TSHZ2: variants seen among roughly 807,000 people sequenced by gnomAD.
TSHZ2 encodes the protein teashirt zinc finger homeobox 2.
Under a neutral mutation model 74.4 loss-of-function variants are expected in TSHZ2, and 21 were observed. The observed-to-expected ratio is 0.28, with a 90% CI of 0.20 to 0.41. TSHZ2 has a LOEUF of 0.41. TSHZ2 is among the 10% of genes least tolerant of loss of function. The pLI, the probability that TSHZ2 is intolerant of heterozygous loss-of-function variation, is 1.00. For missense variants in TSHZ2, 1,244 were observed against 1,293.5 expected (o/e 0.96, Z 0.59); for synonymous variants, 540 against 515.3 (o/e 1.05, Z -0.65).
intron 1 of TSHZ2, among the ~76,000 whole-genome samples, chr20:53,010,043 G>A (rs770151958): frequency 2.0e-5 from 3 of 151,998 alleles, no homozygotes; most frequent in South Asian, 2.1e-4. Context: ...AAAGGCTCTC[G>A]TCCATGGGTC....
intron 1 of TSHZ2, among the ~76,000 whole-genome samples, chr20:53,004,770 T>C (rs755537065): frequency 1.1e-4 from 17 of 152,114 alleles, no homozygotes; most frequent in South Asian, 2.1e-4. Flanking sequence ...ATCTGAGTGG[T>C]TCAATATAAT....
At chr20:53,210,091 CAG>C (rs1195756765) in intron 1 of TSHZ2, among the ~76,000 whole-genome samples, 2 of 152,224 alleles carry the variant, frequency 1.3e-5, no homozygotes, top group Non-Finnish European at 2.9e-5. Flanking sequence ...GGACGTGAGA[CAG>C]GGGTGTGGCT....
chr20:53,341,079 C>G (rs918585832), intron 2 of TSHZ2, among the ~76,000 whole-genome samples: 1 of 152,202 alleles, frequency 6.6e-6, no homozygotes, highest in Non-Finnish European at 1.5e-5. Context: ...CTTTGTGTTC[C>G]TAGCCCCCTT....
intron 2 of TSHZ2, among the ~76,000 whole-genome samples, chr20:53,388,035 C>T (rs972306378): frequency 2.1e-5 from 3 of 144,304 alleles, no homozygotes; most frequent in East Asian, 4.1e-4. Flanking sequence ...GGCAATAGAG[C>T]GAGACTCCAT....
At chr20:53,437,528 G>T (rs1984133591) in intron 2 of TSHZ2, among the ~76,000 whole-genome samples, 1 of 152,136 alleles carries the variant, frequency 6.6e-6, no homozygotes. Flanking sequence ...ACCAGTTTAA[G>T]CACAGAGGGA....
At chr20:53,349,029 C>T (rs962429021) in intron 2 of TSHZ2, among the ~76,000 whole-genome samples, 3 of 152,202 alleles carry the variant, frequency 2.0e-5, no homozygotes, top group Non-Finnish European at 4.4e-5. Context: ...TTCTAAGGGG[C>T]TGCTGGCTTT....
At chr20:53,309,921 T>C (rs943360146) in intron 2 of TSHZ2, among the ~76,000 whole-genome samples, 3 of 152,226 alleles carry the variant, frequency 2.0e-5, no homozygotes, top group Non-Finnish European at 4.4e-5. Flanking sequence ...ATAATGCTTT[T>C]AACTCCATCT....
intron 1 of TSHZ2, among the ~76,000 whole-genome samples, chr20:53,180,191 G>T (rs1988437065): frequency 6.6e-6 from 1 of 152,196 alleles, no homozygotes; most frequent in Admixed American, 6.5e-5. Flanking sequence ...CTTCTCCTGG[G>T]CATGTTGATA....
At chr20:53,081,998 C>A (rs991015997) in intron 1 of TSHZ2, among the ~76,000 whole-genome samples, 2 of 151,514 alleles carry the variant, frequency 1.3e-5, no homozygotes, top group Admixed American at 1.3e-4. Context: ...ATGAAAATAG[C>A]CCAGAGGAGA....
At chr20:53,232,372 G>T (rs1218567374) in intron 1 of TSHZ2, among the ~76,000 whole-genome samples, 1 of 152,108 alleles carries the variant, frequency 6.6e-6, no homozygotes, top group Non-Finnish European at 1.5e-5. Context: ...AGGCTCTGAG[G>T]AAACAGAAGG....
At chr20:53,072,989 TCATC>T (rs1176902566) in intron 1 of TSHZ2, among the ~76,000 whole-genome samples, 1 of 101,634 alleles carries the variant, frequency 9.8e-6, no homozygotes, top group Non-Finnish European at 2.1e-5. Flanking sequence ...ATCCCTCCCT[TCATC>T]CATCCCTCCC....
At chr20:53,338,223 A>G (rs1412023102) in intron 2 of TSHZ2, among the ~76,000 whole-genome samples, 1 of 152,224 alleles carries the variant, frequency 6.6e-6, no homozygotes, top group Non-Finnish European at 1.5e-5. Flanking sequence ...TTCTTTCCAC[A>G]TAAAATTGAA....
chr20:53,125,906 A>G (rs1371429600), intron 1 of TSHZ2, among the ~76,000 whole-genome samples: 1 of 152,250 alleles, frequency 6.6e-6, no homozygotes, highest in African/African-American at 2.4e-5. Flanking sequence ...GCAGATATTT[A>G]TGATTTGTAT....
At chr20:53,073,884 A>C (rs989715762) in intron 1 of TSHZ2, among the ~76,000 whole-genome samples, 1 of 152,168 alleles carries the variant, frequency 6.6e-6, no homozygotes, top group Non-Finnish European at 1.5e-5. Flanking sequence ...TATACTATAC[A>C]TTAGCTAAAA....
At chr20:53,485,186 A>G (rs577441263) in intron 2 of TSHZ2, among the ~76,000 whole-genome samples, 2 of 152,368 alleles carry the variant, frequency 1.3e-5, no homozygotes, top group East Asian at 3.9e-4. Context: ...AAAATATTCC[A>G]GCATACAGAA....
At chr20:53,122,998 C>T (rs994798208) in intron 1 of TSHZ2, among the ~76,000 whole-genome samples, 1 of 152,184 alleles carries the variant, frequency 6.6e-6, no homozygotes, top group African/African-American at 2.4e-5. Context: ...TACTCTTCCA[C>T]TTCCCTTCCC....
At position 53,182,095 on chromosome 20, in the gene TSHZ2, T is replaced by TTTCC. The variant is rs757937239; in HGVS notation, c.41-71386_41-71383dup. On this transcript the variant is annotated intron_variant, in intron 1 of 2. Coordinates refer to ENST00000371497, the MANE Select transcript of TSHZ2 (RefSeq NM_173485.6). ...TAGTGCCTAGGCCGGCCTGCCTTCC[T>TTTCC]TTCCTTCCTTCCTTCCTTCCTCCCT... Among the ~76,000 whole-genome samples, 673 of 151,464 alleles carry TTTCC rather than the reference T, an allele frequency of 4.4e-3. 11 individuals are homozygous for TTTCC. The highest frequency in any genetic ancestry group is 4.1e-3 in the Non-Finnish European group (275 of 67,756).
intron 1 of TSHZ2, among the ~76,000 whole-genome samples, chr20:53,251,801 T>C (rs1163107147): frequency 6.6e-6 from 1 of 152,254 alleles, no homozygotes; most frequent in Non-Finnish European, 1.5e-5. Flanking sequence ...TGTGGTTATC[T>C]ATTTAGTGAC....
chr20:53,050,441 C>T (rs534063196), intron 1 of TSHZ2, among the ~76,000 whole-genome samples: 1 of 151,912 alleles, frequency 6.6e-6, no homozygotes, highest in Non-Finnish European at 1.5e-5. Flanking sequence ...AATAATTTGC[C>T]CCATTTTCCA....
Sources: allele counts gnomAD v4.1 joint callset (sites outside exome capture counted in the v4.1 genomes callset), GRCh38; gene constraint gnomAD v4.1.1; transcripts MANE v1.5; gene names NCBI Gene and HGNC (gene_info 2026-07-23, HGNC 2026-07-21).